Variants in CHODL observed in about 807,000 individuals in gnomAD.
The protein encoded by CHODL is transmembrane protein MT75.
CHODL carries 29 observed loss-of-function variants against 34.5 expected under a neutral mutation model. The observed-to-expected ratio is 0.84, with a 90% CI of 0.63 to 1.15. The LOEUF is 1.15. CHODL is among the 50% of genes most tolerant of loss of function. The pLI, the probability that CHODL is intolerant of heterozygous loss-of-function variation, is 0.00. For missense variants in CHODL, 332 were observed against 332.5 expected (o/e 1.00, Z 0.01); for synonymous variants, 125 against 116.1 (o/e 1.08, Z -0.49).
At chr21:18,088,884 G>C (rs552027648) in intron 2 of CHODL, among the ~76,000 whole-genome samples, 1 of 152,294 alleles carries the variant, frequency 6.6e-6, no homozygotes, top group South Asian at 2.1e-4. Flanking sequence ...AAATACGCAT[G>C]ACTGAAAATC....
At chr21:17,948,068 A>G (rs1422873630) in intron 1 of CHODL, among the ~76,000 whole-genome samples, 1 of 152,186 alleles carries the variant, frequency 6.6e-6, no homozygotes, top group Non-Finnish European at 1.5e-5. Flanking sequence ...TCAAATATGC[A>G]TCTTCTCACT....
chr21:18,176,101 T>C (rs2073307562), intron 2 of CHODL, among the ~76,000 whole-genome samples: 1 of 152,180 alleles, frequency 6.6e-6, no homozygotes, highest in African/African-American at 2.4e-5. Context: ...GCCGGTTATA[T>C]TTAAATCCAT....
chr21:18,209,515 C>A (rs1221434440), intron 2 of CHODL, among the ~76,000 whole-genome samples: 1 of 152,118 alleles, frequency 6.6e-6, no homozygotes, highest in Non-Finnish European at 1.5e-5. Flanking sequence ...TTGTGCTTTA[C>A]CCCACGTGGC....
intron 2 of CHODL, among the ~76,000 whole-genome samples, chr21:18,195,023 AATACATTAT>A (rs1474726055): frequency 2.1e-5 from 3 of 143,246 alleles, no homozygotes; most frequent in Non-Finnish European, 4.5e-5. Flanking sequence ...TTATTAATAC[AATACATTAT>A]TTATTTATTT....
intron 1 of CHODL, among the ~76,000 whole-genome samples, chr21:18,014,038 A>C (rs1403801695): frequency 6.6e-6 from 1 of 152,150 alleles, no homozygotes; most frequent in Non-Finnish European, 1.5e-5. Context: ...TAGAAAACAC[A>C]CATCCAGGCT....
At chr21:18,066,104 C>A (rs1001256938) in intron 2 of CHODL, among the ~76,000 whole-genome samples, 5 of 152,062 alleles carry the variant, frequency 3.3e-5, no homozygotes, top group African/African-American at 7.2e-5. Context: ...ACTGGAATTT[C>A]TTTTTCATGG....
chr21:18,096,570 C>T (rs1390690659), intron 2 of CHODL, among the ~76,000 whole-genome samples: 3 of 152,146 alleles, frequency 2.0e-5, no homozygotes, highest in African/African-American at 7.2e-5. Flanking sequence ...ATGCCCTGGT[C>T]TCCTGCAGTG....
At chr21:18,149,745 T>C (rs1474382695) in intron 2 of CHODL, among the ~76,000 whole-genome samples, 1 of 152,244 alleles carries the variant, frequency 6.6e-6, no homozygotes, top group African/African-American at 2.4e-5. Flanking sequence ...ATAAGTTAAG[T>C]TGTCCTTTGA....
At chr21:18,085,222 GT>G (rs377708108) in intron 2 of CHODL, among the ~76,000 whole-genome samples, 2 of 151,828 alleles carry the variant, frequency 1.3e-5, no homozygotes, top group Non-Finnish European at 2.9e-5. Flanking sequence ...GTTAGATCAT[GT>G]TTTTTTGATT....
intron 2 of CHODL, among the ~76,000 whole-genome samples, chr21:18,033,619 C>T (rs1163533976): frequency 6.6e-6 from 1 of 151,908 alleles, no homozygotes; most frequent in Non-Finnish European, 1.5e-5. Flanking sequence ...TAGTTTACAC[C>T]CAGCAGCAGA....
intron 2 of CHODL, among the ~76,000 whole-genome samples, chr21:18,086,731 G>A (rs2065012110): frequency 6.6e-6 from 1 of 152,176 alleles, no homozygotes; most frequent in African/African-American, 2.4e-5. Flanking sequence ...CCCCAGTGGT[G>A]GAAGCAGTTG....
At chr21:17,965,017 T>C (rs1033057203) in intron 1 of CHODL, among the ~76,000 whole-genome samples, 2 of 152,244 alleles carry the variant, frequency 1.3e-5, no homozygotes, top group African/African-American at 4.8e-5. Context: ...TTTGGACTTG[T>C]CATACTTCAG....
At chr21:17,962,812 C>T (rs567447876) in intron 1 of CHODL, among the ~76,000 whole-genome samples, 1 of 152,036 alleles carries the variant, frequency 6.6e-6, no homozygotes, top group South Asian at 2.1e-4. Flanking sequence ...GCCTGTAATC[C>T]CAGCACTTTG....
At chr21:18,114,837 C>T (rs944822207) in intron 2 of CHODL, 1 of 152,368 alleles carries the variant, frequency 6.6e-6, no homozygotes, top group Admixed American at 6.5e-5. Flanking sequence ...TTGTTCCAGT[C>T]ATACAGGCAA....
intron 2 of CHODL, among the ~76,000 whole-genome samples, chr21:18,186,410 TAAA>T (rs34659673): frequency 2.1e-5 from 3 of 146,134 alleles, no homozygotes; most frequent in African/African-American, 7.5e-5. Flanking sequence ...AAAAAAAAAT[TAAA>T]AAAAAAAAGT....
intron 2 of CHODL, among the ~76,000 whole-genome samples, chr21:18,146,670 C>T (rs1485581924): frequency 6.6e-6 from 1 of 152,152 alleles, no homozygotes; most frequent in African/African-American, 2.4e-5. Flanking sequence ...TCAGCTATTT[C>T]TTTATAGCAG....
chr21:18,012,724 C>G (rs77090629), intron 1 of CHODL, among the ~76,000 whole-genome samples: 1 of 152,100 alleles, frequency 6.6e-6, no homozygotes, highest in Non-Finnish European at 1.5e-5. Context: ...CTCCCAAGAT[C>G]AGGGATTATG....
chr21:18,106,380 G>T (rs938910642), intron 2 of CHODL, among the ~76,000 whole-genome samples: 28 of 152,216 alleles, frequency 1.8e-4, no homozygotes, highest in African/African-American at 6.5e-4. Context: ...AAGGCCCTTG[G>T]TCGGTCACCA....
chr21:18,164,949 T>A (rs1109381), intron 2 of CHODL, among the ~76,000 whole-genome samples: 33,603 of 152,098 alleles, frequency 0.22, 4,854 homozygotes, highest in East Asian at 0.48. Flanking sequence ...CTGATATATA[T>A]CTTGAATATC....
Sources: allele counts gnomAD v4.1 joint callset (sites outside exome capture counted in the v4.1 genomes callset), GRCh38; gene constraint gnomAD v4.1.1; transcripts MANE v1.5; gene names NCBI Gene and HGNC (gene_info 2026-07-23, HGNC 2026-07-21).